Variants in NRXN3 observed in about 807,000 individuals in gnomAD.
NRXN3 encodes neurexin 3, also known as neurexin III.
A neutral mutation model predicts 137.6 loss-of-function variants in NRXN3; 32 were observed. That is an observed-to-expected ratio of 0.23 (90% CI 0.18 to 0.31). The LOEUF is 0.31. Among genes scored for constraint, NRXN3 ranks in the 10% least tolerant of loss-of-function variants. NRXN3 has a pLI of 1.00. For synonymous variants in NRXN3, 798 were observed against 784.5 expected, an observed-to-expected ratio of 1.02 and a Z score of -0.29; for missense variants, 1,574 against 2,062.5, an observed-to-expected ratio of 0.76 and a Z score of 4.59.
At chr14:79,018,124 G>T (rs916828188) in intron 15 of NRXN3, among the ~76,000 whole-genome samples, 1 of 151,764 alleles carries the variant, frequency 6.6e-6, no homozygotes, top group Non-Finnish European at 1.5e-5. Context: ...GCTGTGCATG[G>T]TGGTAGGCAC....
chr14:79,079,440 C>G (rs1176541688), intron 15 of NRXN3, among the ~76,000 whole-genome samples: 6 of 152,086 alleles, frequency 3.9e-5, no homozygotes, highest in African/African-American at 1.4e-4. Context: ...AGTGTATATT[C>G]TATGGTGTAG....
At chr14:78,190,865 G>A (rs2060665689) in intron 1 of NRXN3, among the ~76,000 whole-genome samples, 1 of 151,868 alleles carries the variant, frequency 6.6e-6, no homozygotes, top group Admixed American at 6.6e-5. Context: ...GTAGAGATGG[G>A]GTTTCACCAT....
In NRXN3 at chr14:79,537,224, C is replaced by A. The variant is rs117587788; in HGVS notation, c.3444+69822C>A. 2.6e-5 allele frequency among the ~76,000 whole-genome samples: 4 copies of A among 151,782 alleles called. No homozygotes were observed. In the South Asian group the frequency reaches 6.3e-4, roughly 24 times the overall value. On this transcript the variant is annotated intron_variant, in intron 16 of 20. Transcript: ENST00000335750. ...TCTAATGATCAGTGATGTTGTTGAGCTTTTTTTCATGTTTGTCGGCTGCAT... is the reference window on the plus strand; with the variant it reads ...TCTAATGATCAGTGATGTTGTTGAGATTTTTTTCATGTTTGTCGGCTGCAT...
At chr14:78,978,320 A>T (rs1378332572) in intron 14 of NRXN3, among the ~76,000 whole-genome samples, 2 of 152,316 alleles carry the variant, frequency 1.3e-5, no homozygotes, top group African/African-American at 2.4e-5. Context: ...ATGAGATTTT[A>T]TAATAAGATT....
chr14:78,948,191 G>C (rs185318166), intron 10 of NRXN3, among the ~76,000 whole-genome samples: 2 of 152,360 alleles, frequency 1.3e-5, no homozygotes, highest in South Asian at 2.1e-4. Context: ...ACACCAGTAT[G>C]AGTGTCCACT....
At chr14:79,705,353 C>T (rs751886861) in intron 19 of NRXN3, among the ~76,000 whole-genome samples, 9 of 152,244 alleles carry the variant, frequency 5.9e-5, no homozygotes, top group Middle Eastern at 3.4e-3. Flanking sequence ...TTTTCCACCA[C>T]GTTGCTCCAA....
At chr14:78,948,796 C>G (rs765119799) in intron 10 of NRXN3, among the ~76,000 whole-genome samples, 1 of 152,096 alleles carries the variant, frequency 6.6e-6, no homozygotes, top group Non-Finnish European at 1.5e-5. Flanking sequence ...ATCCTCCATG[C>G]CCTTTACCCA....
chr14:79,067,935 G>T (rs2099682809), intron 15 of NRXN3, among the ~76,000 whole-genome samples: 1 of 152,028 alleles, frequency 6.6e-6, no homozygotes, highest in Admixed American at 6.6e-5. Context: ...GATGGCTGAA[G>T]TATCAAGAGG....
chr14:79,142,458 G>A (rs1437004071), intron 15 of NRXN3, among the ~76,000 whole-genome samples: 1 of 151,986 alleles, frequency 6.6e-6, no homozygotes, highest in African/African-American at 2.4e-5. Flanking sequence ...GACAGAAGCT[G>A]GAGATAGAGT....
intron 6 of NRXN3, among the ~76,000 whole-genome samples, chr14:78,662,681 C>A (rs1395040339): frequency 2.0e-5 from 3 of 152,136 alleles, no homozygotes; most frequent in Admixed American, 6.5e-5. Context: ...GACCTATCTG[C>A]AAAGAAAGAA....
At chr14:78,922,327 A>G (rs1468579408) in intron 10 of NRXN3, among the ~76,000 whole-genome samples, 1 of 152,218 alleles carries the variant, frequency 6.6e-6, no homozygotes, top group Non-Finnish European at 1.5e-5. Context: ...TTCCCAGAAT[A>G]TAATTAGGTA....
chr14:78,807,752 A>AAAAG (rs1567370470), intron 9 of NRXN3, among the ~76,000 whole-genome samples: 6 of 113,630 alleles, frequency 5.3e-5, no homozygotes, highest in African/African-American at 1.6e-4. Context: ...AAAAAAAAAA[A>AAAAG]AAAGAAAGAA....
intron 6 of NRXN3, among the ~76,000 whole-genome samples, chr14:78,662,124 G>C (rs533578097): frequency 6.6e-6 from 1 of 151,442 alleles, no homozygotes; most frequent in African/African-American, 2.4e-5. Flanking sequence ...CATCCACCTC[G>C]GCCTCCCAAA....
chr14:78,790,882 T>C (rs888542177), intron 8 of NRXN3, among the ~76,000 whole-genome samples: 1 of 152,226 alleles, frequency 6.6e-6, no homozygotes, highest in Non-Finnish European at 1.5e-5. Flanking sequence ...TGTGAAGTTA[T>C]GGAGCTAATT....
At chr14:79,803,200 C>T (rs1376061459) in intron 19 of NRXN3, among the ~76,000 whole-genome samples, 1 of 151,930 alleles carries the variant, frequency 6.6e-6, no homozygotes, top group African/African-American at 2.4e-5. Context: ...GTGGTTTTTC[C>T]AGTTCTTTGC....
intron 16 of NRXN3, among the ~76,000 whole-genome samples, chr14:79,559,699 G>A (rs1229629006): frequency 6.6e-6 from 1 of 152,112 alleles, no homozygotes; most frequent in Admixed American, 6.5e-5. Flanking sequence ...ACTTAAGGTT[G>A]CTACAAACTT....
At chr14:79,733,712 GAAT>G (rs2098932343) in intron 19 of NRXN3, among the ~76,000 whole-genome samples, 1 of 150,548 alleles carries the variant, frequency 6.6e-6, no homozygotes, top group African/African-American at 2.4e-5. Context: ...TTTTTTGATG[GAAT>G]AATAATCACA....
intron 15 of NRXN3, among the ~76,000 whole-genome samples, chr14:79,155,272 T>C (rs990737499): frequency 1.3e-5 from 2 of 151,916 alleles, no homozygotes; most frequent in Admixed American, 1.3e-4. Context: ...TTGGATATAA[T>C]ACATCACATC....
intron 15 of NRXN3, among the ~76,000 whole-genome samples, chr14:79,169,321 C>T (rs1716583551): frequency 6.6e-6 from 1 of 152,068 alleles, no homozygotes; most frequent in South Asian, 2.1e-4. Context: ...ATTACAAAAG[C>T]CACACAAGAT....
Sources: allele counts gnomAD v4.1 joint callset (sites outside exome capture counted in the v4.1 genomes callset), GRCh38; gene constraint gnomAD v4.1.1; transcripts MANE v1.5; gene names NCBI Gene and HGNC (gene_info 2026-07-23, HGNC 2026-07-21).